PCDHGA7: variants seen among roughly 807,000 people sequenced by gnomAD.
The protein encoded by PCDHGA7 is protocadherin gamma subfamily A, 7.
In PCDHGA7, 44 loss-of-function variants were observed where a neutral mutation model predicts 58.3. The observed-to-expected ratio is 0.75, with a 90% CI of 0.59 to 0.97. The LOEUF is 0.97. PCDHGA7 is among the 50% of genes least tolerant of loss of function. The probability of loss-of-function intolerance (pLI) is 0.00; values close to 1 mark genes in which losing one functional copy is unlikely to be tolerated. For missense variants in PCDHGA7, 1,266 were observed against 1,188.7 expected (o/e 1.06, Z -0.96); for synonymous variants, 516 against 504.2 (o/e 1.02, Z -0.31).
chr5:141,428,197 G>A, intron 1 of PCDHGA7: 3 of 1,385,968 alleles, frequency 2.2e-6, no homozygotes, highest in Non-Finnish European at 3.0e-6. Context: ...CGCTCTCTGC[G>A]CCGCTACGCT....
chr5:141,419,259 C>G, intron 1 of PCDHGA7: 4 of 1,614,016 alleles, frequency 2.5e-6, no homozygotes, highest in Non-Finnish European at 2.5e-6. Context: ...AACAACCAGC[C>G]GGGTGCCTCC....
chr5:141,421,931 A>T, intron 1 of PCDHGA7: 1 of 1,613,556 alleles, frequency 6.2e-7, no homozygotes, highest in East Asian at 2.2e-5. Context: ...GTGGTCCTCG[A>T]TGTAAATGAT....
intron 1 of PCDHGA7, chr5:141,389,169 C>G: frequency 6.2e-7 from 1 of 1,614,028 alleles, no homozygotes; most frequent in African/African-American, 1.3e-5. Flanking sequence ...GGGCAAGCCT[C>G]CCCTCTCCTC....
chr5:141,413,695 T>C lies in PCDHGA7; in HGVS notation c.2424+28372T>C, dbSNP rs573363878. The C allele has an allele frequency of 4.8e-5, 77 of 1,613,796 alleles. 1 individual carries two copies. The highest frequency in any genetic ancestry group is 3.0e-4 in the South Asian group (27 of 91,078). ...TGTGGGCGTGAACTCCCTGCAGAGC[T>C]ATCAGCTCAGCCCCAATAAGCACTT... On this transcript the variant is annotated intron_variant, in intron 1 of 3. Transcript: ENST00000518325.
chr5:141,494,074 C>A (rs2099751716), intron 1 of PCDHGA7, among the ~76,000 whole-genome samples: 1 of 152,180 alleles, frequency 6.6e-6, no homozygotes, highest in Non-Finnish European at 1.5e-5. Context: ...GGATCCCTCC[C>A]CGCTGCATCC....
chr5:141,383,997 T>C lies in PCDHGA7; in HGVS notation c.1098T>C (p.Ile366=), dbSNP rs1160859584. The change falls in exon 1 of 4, where the codon ATT becomes ATC. Residue 366 remains isoleucine, a synonymous_variant. Coordinates refer to ENST00000518325, the MANE Select transcript of PCDHGA7 (RefSeq NM_018920.4). ...AAGACACACCTCTTGGGACAGTCAT[T>C]GCTCTTTTCTACCTACAAGACAGAG... ...IPEDTPLGTV[I]ALFYLQDRDS... is the part of the protein sequence containing the mutation. 6.2e-7 allele frequency: 1 copy of C among 1,613,870 alleles called. No homozygotes were observed. The highest frequency in any genetic ancestry group is 1.7e-5 in the Admixed American group (1 of 60,026).
At chr5:141,441,340 C>T (rs2098240395) in intron 1 of PCDHGA7, 1 of 152,330 alleles carries the variant, frequency 6.6e-6, no homozygotes, top group Non-Finnish European at 1.5e-5. Flanking sequence ...CAATAATTAA[C>T]TACATGCTTG....
chr5:141,489,013 C>T lies in PCDHGA7; in HGVS notation c.2425-5794C>T, dbSNP rs533320646. ...AGGTGGGAGATCTGCTCTTCCAGCC[C>T]GCCTCTCCTCCTCCAGCTCCCCAGC... On this transcript the variant is annotated intron_variant, in intron 1 of 3. Coordinates refer to ENST00000518325, the MANE Select transcript of PCDHGA7 (RefSeq NM_018920.4). The surrounding 1 kb of genome is among the most constrained non-coding windows in gnomAD (Gnocchi z 4.5). 4.6e-5 allele frequency: 20 copies of T among 438,612 alleles called. No homozygotes were observed. Among genetic ancestry groups the T allele is most frequent in the East Asian group, 2.7e-4 (8 of 29,802 alleles). The allele number at this position is 438,612 out of a possible 1,614,324, so 27.2% of individuals were successfully genotyped here.
At chr5:141,412,815 A>G (rs2095578958) in intron 1 of PCDHGA7, among the ~76,000 whole-genome samples, 1 of 152,328 alleles carries the variant, frequency 6.6e-6, no homozygotes, top group Non-Finnish European at 1.5e-5. Flanking sequence ...AGAAACCTAC[A>G]TATAGTAAAT....
chr5:141,390,392 C>A, intron 1 of PCDHGA7: 1 of 1,390,890 alleles, frequency 7.2e-7, no homozygotes. Flanking sequence ...TGTCATGGAT[C>A]ATTTTAGGAA....
intron 1 of PCDHGA7, among the ~76,000 whole-genome samples, chr5:141,482,257 T>C (rs2099555476): frequency 1.3e-5 from 2 of 152,156 alleles, no homozygotes; most frequent in Admixed American, 1.3e-4. Context: ...ACTGTACATA[T>C]TAGTTGTTTA....
chr5:141,446,087 A>G (rs2154561251), intron 1 of PCDHGA7, among the ~76,000 whole-genome samples: 1 of 152,370 alleles, frequency 6.6e-6, no homozygotes, highest in Non-Finnish European at 1.5e-5. Flanking sequence ...GTAGAAATAA[A>G]TGGATGAATT....
At position 141,487,370 on chromosome 5, in the gene PCDHGA7, T is replaced by C; in HGVS notation, c.2425-7437T>C. 6.2e-7 allele frequency: 1 copy of C among 1,614,232 alleles called. No individual in the cohort carries two copies. Among genetic ancestry groups the C allele is most frequent in the South Asian group, 1.1e-5 (1 of 91,080 alleles). On this transcript the variant is annotated intron_variant, in intron 1 of 3. Transcript: ENST00000518325. The surrounding 1 kb of genome is among the most constrained non-coding windows in gnomAD (Gnocchi z 5.0). ...ATGCTTTCCTGCTGGCACCTGTGCC[T>C]GTCTCACCAGATCTCGAAGGAGGGA... is the stretch of plus-strand genomic sequence containing the variant.
chr5:141,486,153 C>A lies in PCDHGA7; in HGVS notation c.2425-8654C>A, dbSNP rs1330257915. On this transcript the variant is annotated intron_variant, in intron 1 of 3. Coordinates refer to ENST00000518325, the MANE Select transcript of PCDHGA7 (RefSeq NM_018920.4). This position sits in a 1 kb window ranked among gnomAD's most constrained non-coding sequence, Gnocchi z 5.0. ...GATGTGCGGGCTCGCGATGGGGGTTCTCCAGCCATGGAGCAACATTGCAGC... is the reference window on the plus strand; with the variant it reads ...GATGTGCGGGCTCGCGATGGGGGTTATCCAGCCATGGAGCAACATTGCAGC... 6.2e-7 allele frequency: 1 copy of A among 1,614,202 alleles called. No individual in the cohort carries two copies. The highest frequency in any genetic ancestry group is 1.7e-5 in the Admixed American group (1 of 60,022).
chr5:141,484,002 A>T, intron 1 of PCDHGA7, among the ~76,000 whole-genome samples: 1 of 25,484 alleles, frequency 3.9e-5, no homozygotes, highest in African/African-American at 1.7e-4. Context: ...GGAGGTCTGG[A>T]TGAGGGTGGG....
At chr5:141,450,055 G>A (rs1325291695) in intron 1 of PCDHGA7, among the ~76,000 whole-genome samples, 2 of 137,594 alleles carry the variant, frequency 1.5e-5, no homozygotes, top group Non-Finnish European at 3.0e-5. Flanking sequence ...CGCCCAGGCT[G>A]GAATGCAGTG....
chr5:141,413,639 G>A (rs893578830), intron 1 of PCDHGA7: 2 of 1,613,854 alleles, frequency 1.2e-6, no homozygotes, highest in Non-Finnish European at 1.7e-6. Context: ...GCGGGAATGC[G>A]TTTTCCTCTC....
chr5:141,407,139 A>G lies in PCDHGA7; in HGVS notation c.2424+21816A>G, dbSNP rs190510544. Among the ~76,000 whole-genome samples, 1,517 of 152,332 alleles carry G rather than the reference A, an allele frequency of 1.0e-2. 33 individuals carry two copies. The highest frequency in any genetic ancestry group is 0.034 in the African/African-American group (1,425 of 41,568). On this transcript the variant is annotated intron_variant, in intron 1 of 3. Coordinates refer to ENST00000518325, the MANE Select transcript of PCDHGA7 (RefSeq NM_018920.4). ...TTTCAGTTGCTTTATTTTTAAGAAA[A>G]AAAAGCTGAAGTGTCTGGGAATCCT...
At chr5:141,448,999 G>GT (rs910018882) in intron 1 of PCDHGA7, among the ~76,000 whole-genome samples, 19 of 151,698 alleles carry the variant, frequency 1.3e-4, no homozygotes, top group South Asian at 2.1e-4. Flanking sequence ...ATAGAAAGCT[G>GT]TTTTTTTTAA....
Sources: gnomAD v4.1 joint callset for allele counts (sites outside exome capture counted in the v4.1 genomes callset) on GRCh38, gnomAD v4.1.1 for gene constraint, Gnocchi (gnomAD v3.1) non-coding constraint, MANE v1.5 for transcripts, NCBI Gene and HGNC (gene_info 2026-07-23, HGNC 2026-07-21) for gene names.